The following MYO1E variants were observed in gnomAD, a reference collection of about 807,000 sequenced individuals.
MYO1E encodes the protein unconventional myosin-Ie.
MYO1E carries 68 observed loss-of-function variants against 151.1 expected under a neutral mutation model. The ratio of observed to expected loss-of-function variants is 0.45; its 90% CI spans 0.37 to 0.55. The LOEUF (loss-of-function observed/expected upper bound fraction) is 0.55. Ranked by LOEUF, MYO1E falls within the 20% of genes least tolerant of loss-of-function variation. MYO1E has a pLI of 0.00. For synonymous variants in MYO1E, 601 were observed against 501.7 expected, an observed-to-expected ratio of 1.20 and a Z score of -2.64; for missense variants, 1,363 against 1,389.3, an observed-to-expected ratio of 0.98 and a Z score of 0.30.
intron 26 of MYO1E, among the ~76,000 whole-genome samples, chr15:59,150,516 C>T (rs561198789): frequency 6.6e-6 from 1 of 152,330 alleles, no homozygotes; most frequent in Non-Finnish European, 1.5e-5. Flanking sequence ...GCAGCTAGCA[C>T]ACAGAGCTAA....
At chr15:59,342,625 G>C (rs186917215) in intron 1 of MYO1E, among the ~76,000 whole-genome samples, 14 of 152,238 alleles carry the variant, frequency 9.2e-5, no homozygotes, top group Admixed American at 6.5e-4. Context: ...TGTTATTACT[G>C]ATAAGTGAGG....
intron 18 of MYO1E, among the ~76,000 whole-genome samples, chr15:59,180,098 T>A (rs942063030): frequency 2.0e-5 from 3 of 152,192 alleles, no homozygotes; most frequent in African/African-American, 7.2e-5. Flanking sequence ...CTCAAATGTC[T>A]GCATCTTGCC....
intron 1 of MYO1E, among the ~76,000 whole-genome samples, chr15:59,371,393 T>C (rs1347976447): frequency 1.3e-5 from 2 of 151,548 alleles, no homozygotes; most frequent in South Asian, 2.1e-4. Context: ...GCAGGACTAC[T>C]TGAAAAGAAG....
Position 59,223,041 on chromosome 15 carries a change from C to T in MYO1E, c.910+18G>A, listed in dbSNP as rs2079965822. 1 of 1,613,610 alleles carries T rather than the reference C, an allele frequency of 6.2e-7. No individual in the cohort carries two copies. The highest frequency in any genetic ancestry group is 1.1e-5 in the South Asian group (1 of 91,054). On this transcript the variant is annotated intron_variant, in intron 9 of 27. Transcript: ENST00000288235. ...CTAGCCACCCCTCATTCAATGGCCA[C>T]ATGCCAGGGCTACGCACACTCTTCA... is the stretch of plus-strand genomic sequence containing the variant.
chr15:59,209,012 G>A, intron 13 of MYO1E, 164 bp from the exon 14 acceptor site: 2 of 819,340 alleles, frequency 2.4e-6, no homozygotes, highest in Admixed American at 2.1e-5. Flanking sequence ...GTCCCAAATA[G>A]GGAGTCACCA....
chr15:59,273,943 A>C (rs2080303433), intron 1 of MYO1E, among the ~76,000 whole-genome samples: 1 of 152,212 alleles, frequency 6.6e-6, no homozygotes, highest in Non-Finnish European at 1.5e-5. Flanking sequence ...CCAACTGCTC[A>C]GACATCAAAA....
At chr15:59,235,646 G>A (rs1481830191) in intron 5 of MYO1E, among the ~76,000 whole-genome samples, 1 of 152,122 alleles carries the variant, frequency 6.6e-6, no homozygotes, top group African/African-American at 2.4e-5. Context: ...CTTTATACAT[G>A]TATTATTTTG....
At chr15:59,288,953 C>G (rs556091524) in intron 1 of MYO1E, among the ~76,000 whole-genome samples, 1 of 152,268 alleles carries the variant, frequency 6.6e-6, no homozygotes, top group Non-Finnish European at 1.5e-5. Context: ...TTTAAACAAA[C>G]AACAAAGTGG....
rs567594792 is a variant in MYO1E at position 59,156,930 on chromosome 15, T to C, written c.2878+1357A>G. On this transcript the variant is annotated intron_variant, in intron 25 of 27. Transcript: ENST00000288235. ...GATATGTCAGTTATATTTTTACTATTAAAAATGAGAGGCCAGGTGCAGTGG... is the reference window on the plus strand; with the variant it reads ...GATATGTCAGTTATATTTTTACTATCAAAAATGAGAGGCCAGGTGCAGTGG... Among the ~76,000 whole-genome samples, 14 of 152,266 alleles carry C rather than the reference T, an allele frequency of 9.2e-5. No individual in the cohort carries two copies. In the South Asian group the frequency reaches 2.5e-3, roughly 27 times the overall value.
chr15:59,236,020 C>G (rs2080060502), intron 5 of MYO1E, among the ~76,000 whole-genome samples: 1 of 151,980 alleles, frequency 6.6e-6, no homozygotes, highest in Admixed American at 6.6e-5. Context: ...GGCTGCTGAT[C>G]TTTTTATTGA....
chr15:59,227,637 T>C, intron 6 of MYO1E, 47 bp from the exon 7 acceptor site: 1 of 1,609,052 alleles, frequency 6.2e-7, no homozygotes, highest in Non-Finnish European at 8.5e-7. Context: ...GAACAAAACA[T>C]GATGTCCCAA....
chr15:59,356,908 TG>T (rs1257499442), intron 1 of MYO1E, among the ~76,000 whole-genome samples: 16 of 27,338 alleles, frequency 5.9e-4, no homozygotes, highest in South Asian at 3.5e-3. Context: ...TGTTTGTTTT[TG>T]GTTTTTTTTT....
At chr15:59,281,540 G>A (rs1185290724) in intron 1 of MYO1E, among the ~76,000 whole-genome samples, 1 of 151,814 alleles carries the variant, frequency 6.6e-6, no homozygotes, top group Non-Finnish European at 1.5e-5. Flanking sequence ...CCTCCGAGAG[G>A]GTTAGGATTA....
chr15:59,208,456 A>G, intron 14 of MYO1E: 1 of 619,126 alleles, frequency 1.6e-6, no homozygotes, highest in Non-Finnish European at 2.9e-6. Flanking sequence ...GTTCATTTAT[A>G]TGCTGTAAAA....
chr15:59,267,445 G>A (rs1041793995), intron 2 of MYO1E, among the ~76,000 whole-genome samples: 16 of 152,326 alleles, frequency 1.1e-4, no homozygotes, highest in Middle Eastern at 3.4e-3. Flanking sequence ...CCAGAGTCAC[G>A]TGGAGAGTGG....
chr15:59,287,071 G>C (rs1358458406), intron 1 of MYO1E, among the ~76,000 whole-genome samples: 3 of 151,720 alleles, frequency 2.0e-5, no homozygotes, highest in Non-Finnish European at 4.4e-5. Context: ...TCCACCACCT[G>C]ACAGAGGATG....
rs760239514 is a variant in MYO1E at position 59,224,657 on chromosome 15, C to T, written c.777+32G>A. The T allele has an allele frequency of 1.9e-6, 3 of 1,613,914 alleles. No homozygotes were observed. The East Asian group carries it at 6.7e-5, about 36-fold the overall frequency. On this transcript the variant is annotated intron_variant, in intron 8 of 27. Coordinates refer to ENST00000288235, the MANE Select transcript of MYO1E (RefSeq NM_004998.4). ...CACAGGAAATGGCCAGTTGGGAGAG[C>T]AGATCCTGCCTGGCCCTGCGCCAGC...
At chr15:59,274,692 T>A (rs531056308) in intron 1 of MYO1E, among the ~76,000 whole-genome samples, 19 of 152,328 alleles carry the variant, frequency 1.2e-4, no homozygotes, top group Non-Finnish European at 1.5e-5. Flanking sequence ...ACTGCCTTCC[T>A]AGCGTAACCC....
At position 59,372,668 on chromosome 15, in the gene MYO1E, C is replaced by A; in HGVS notation, c.-168G>T. On this transcript the variant is annotated 5_prime_UTR_variant, in exon 1 of 28. Transcript: ENST00000288235. Reference sequence around the variant, plus strand: ...ATGGGAACCCAGAGGGGACTCCATCCAGGCGGGATTGGCGGTGCTAGGTGA... The same window carrying A: ...ATGGGAACCCAGAGGGGACTCCATCAAGGCGGGATTGGCGGTGCTAGGTGA... 1.2e-6 allele frequency: 1 copy of A among 832,928 alleles called. No homozygotes were observed. Among genetic ancestry groups the A allele is most frequent in the Non-Finnish European group, 1.8e-6 (1 of 552,750 alleles). 51.6% of individuals were successfully genotyped at this position (832,928 alleles called of 1,614,324 possible). A position where few individuals can be genotyped will look rare whatever the true frequency, so the allele number is the denominator to read the frequency against.
Sources: allele counts gnomAD v4.1 joint callset (sites outside exome capture counted in the v4.1 genomes callset), GRCh38; gene constraint gnomAD v4.1.1; transcripts MANE v1.5; gene names NCBI Gene and HGNC (gene_info 2026-07-23, HGNC 2026-07-21).